NBEA: variants seen among roughly 807,000 people sequenced by gnomAD.
The protein encoded by NBEA is lysosomal-trafficking regulator 2.
NBEA carries 44 observed loss-of-function variants against 343.4 expected under a neutral mutation model. That is an observed-to-expected ratio of 0.13 (90% CI 0.10 to 0.16). The LOEUF is 0.16. Ranked by LOEUF, NBEA falls within the 10% of genes least tolerant of loss-of-function variation. NBEA has a pLI of 1.00. For missense variants in NBEA, 2,555 were observed against 3,631.3 expected, an observed-to-expected ratio of 0.70 and a Z score of 7.62; for synonymous variants, 1,175 against 1,238.7, an observed-to-expected ratio of 0.95 and a Z score of 1.08.
intron 41 of NBEA, among the ~76,000 whole-genome samples, chr13:35,526,539 G>A (rs2077985073): frequency 6.6e-6 from 1 of 152,204 alleles, no homozygotes; most frequent in South Asian, 2.1e-4. Flanking sequence ...TCAGGAGGCT[G>A]AGGCAGGAGA....
intron 10 of NBEA, among the ~76,000 whole-genome samples, chr13:35,098,016 A>AT (rs934530663): frequency 2.0e-4 from 30 of 152,234 alleles, no homozygotes; most frequent in African/African-American, 7.0e-4. Context: ...AGACATATAA[A>AT]TATACGTAGA....
At chr13:35,574,518 T>A (rs1363203390) in intron 45 of NBEA, among the ~76,000 whole-genome samples, 1 of 151,374 alleles carries the variant, frequency 6.6e-6, no homozygotes, top group Non-Finnish European at 1.5e-5. Flanking sequence ...AGGAGAGGAG[T>A]CAAAAGAAAT....
At chr13:35,221,803 T>A (rs1436731825) in intron 33 of NBEA, among the ~76,000 whole-genome samples, 1 of 152,070 alleles carries the variant, frequency 6.6e-6, no homozygotes, top group Non-Finnish European at 1.5e-5. Context: ...TTTTCTAAGC[T>A]TTTTTTCCTC....
At chr13:35,242,331 C>T (rs531964244) in intron 34 of NBEA, among the ~76,000 whole-genome samples, 13 of 151,778 alleles carry the variant, frequency 8.6e-5, no homozygotes, top group Non-Finnish European at 1.6e-4. Context: ...AATCAGCAAA[C>T]TTGAAGACAG....
chr13:35,610,014 C>G lies in NBEA; in HGVS notation c.7449+3436C>G, dbSNP rs2082437308. ...AAATGCAGACATAGGAAACAGTGGA[C>G]TAAGTGATTGGTCAAATGCCTCCAG... On this transcript the variant is annotated intron_variant, in intron 48 of 58. Coordinates refer to ENST00000379939, the MANE Select transcript of NBEA (RefSeq NM_001385012.1). Among the ~76,000 whole-genome samples, 4 of 152,156 alleles carry G rather than the reference C, an allele frequency of 2.6e-5. No individual in the cohort carries two copies. The South Asian group carries it at 8.3e-4, about 32-fold the overall frequency.
Position 35,472,557 on chromosome 13 carries a change from G to A in NBEA, c.6585+21G>A, listed in dbSNP as rs758634762. On this transcript the variant is annotated intron_variant, in intron 41 of 58. Coordinates refer to ENST00000379939, the MANE Select transcript of NBEA (RefSeq NM_001385012.1). ...CGAAAGTGAGTTAAAGCGATTCCAT[G>A]TACAGTATTGGTGGCTTTGTGGCAG... 4 of 1,613,932 alleles carry A rather than the reference G, an allele frequency of 2.5e-6. No homozygotes were observed. In the South Asian group the frequency reaches 3.3e-5, roughly 13 times the overall value.
At chr13:35,289,038 C>T (rs1339018367) in intron 34 of NBEA, among the ~76,000 whole-genome samples, 3 of 151,856 alleles carry the variant, frequency 2.0e-5, no homozygotes, top group East Asian at 1.9e-4. Context: ...CTTGTTCTGT[C>T]GGTCTGTACA....
chr13:35,271,349 T>C (rs1415758493), intron 34 of NBEA, among the ~76,000 whole-genome samples: 1 of 152,092 alleles, frequency 6.6e-6, no homozygotes, highest in Non-Finnish European at 1.5e-5. Flanking sequence ...ATCCCATCCA[T>C]AGGTCACCAA....
At chr13:35,587,081 A>G (rs1354596179) in intron 46 of NBEA, among the ~76,000 whole-genome samples, 3 of 152,244 alleles carry the variant, frequency 2.0e-5, no homozygotes, top group Admixed American at 1.3e-4. Flanking sequence ...CCAAAACTAC[A>G]TTCTCAATCA....
intron 18 of NBEA, among the ~76,000 whole-genome samples, chr13:35,152,492 G>GTA (rs1012570515): frequency 1.2e-4 from 19 of 152,132 alleles, no homozygotes; most frequent in African/African-American, 4.6e-4. Context: ...ATCTCAAAAA[G>GTA]TTGAGCCTAC....
intron 48 of NBEA, among the ~76,000 whole-genome samples, chr13:35,607,406 T>C (rs17768276): frequency 0.017 from 2,611 of 152,218 alleles, 69 homozygotes; most frequent in African/African-American, 0.059. Flanking sequence ...ATATGGGAAT[T>C]TGATGGGTTT....
At chr13:35,206,359 T>A (rs539733429) in intron 31 of NBEA, among the ~76,000 whole-genome samples, 59 of 152,252 alleles carry the variant, frequency 3.9e-4, no homozygotes, top group African/African-American at 2.4e-5. Flanking sequence ...CTCATGATTC[T>A]TTATCCATAA....
At chr13:35,440,686 T>G (rs749649789) in intron 39 of NBEA, among the ~76,000 whole-genome samples, 6 of 152,160 alleles carry the variant, frequency 3.9e-5, no homozygotes, top group Non-Finnish European at 7.4e-5. Context: ...GTGGCCCTGC[T>G]GTGAAGGGGA....
At chr13:35,415,783 A>T (rs2043868932) in intron 38 of NBEA, among the ~76,000 whole-genome samples, 1 of 152,108 alleles carries the variant, frequency 6.6e-6, no homozygotes, top group Admixed American at 6.5e-5. Flanking sequence ...AGTCATTGGT[A>T]GCTTGATGGG....
At chr13:35,374,703 C>G (rs1285460694) in intron 38 of NBEA, among the ~76,000 whole-genome samples, 3 of 152,030 alleles carry the variant, frequency 2.0e-5, no homozygotes, top group Non-Finnish European at 4.4e-5. Flanking sequence ...CACTTACTGT[C>G]TTATTTTTCT....
chr13:35,598,819 G>A (rs566504899), intron 47 of NBEA, among the ~76,000 whole-genome samples: 10 of 152,116 alleles, frequency 6.6e-5, no homozygotes, highest in Non-Finnish European at 1.3e-4. Context: ...TAGCACCTTC[G>A]AATTGATCTC....
intron 36 of NBEA, among the ~76,000 whole-genome samples, chr13:35,342,266 C>A (rs1440510884): frequency 6.6e-6 from 1 of 151,992 alleles, no homozygotes; most frequent in Non-Finnish European, 1.5e-5. Context: ...AGGATCTAGA[C>A]TTATATAGTT....
chr13:35,367,846 A>T (rs1365636998), intron 38 of NBEA, among the ~76,000 whole-genome samples: 5 of 151,530 alleles, frequency 3.3e-5, no homozygotes, highest in Non-Finnish European at 1.5e-5. Flanking sequence ...CCAACTGAAT[A>T]AGCTAAGTGT....
At position 35,074,925 on chromosome 13, in the gene NBEA, C is replaced by T. The variant is rs1290972601; in HGVS notation, c.1571+4073C>T. On this transcript the variant is annotated intron_variant, in intron 10 of 58. Coordinates refer to ENST00000379939, the MANE Select transcript of NBEA (RefSeq NM_001385012.1). ...AGATGTACTCGTTCAACCTACATAT[C>T]TGGTACTTTATTTACTCTAACCTAC... Among the ~76,000 whole-genome samples, 10 of 152,086 alleles carry T rather than the reference C, an allele frequency of 6.6e-5. 1 individual carries two copies. The East Asian group carries it at 1.9e-3, about 29-fold the overall frequency.
Sources: allele counts gnomAD v4.1 joint callset (sites outside exome capture counted in the v4.1 genomes callset), GRCh38; gene constraint gnomAD v4.1.1; transcripts MANE v1.5; gene names NCBI Gene and HGNC (gene_info 2026-07-23, HGNC 2026-07-21).